The following ROR2 variants were observed in gnomAD, a reference collection of about 807,000 sequenced individuals.
ROR2 encodes ROR family WNT receptor 2.
Under a neutral mutation model 74.9 loss-of-function variants are expected in ROR2, and 33 were observed. The observed-to-expected ratio is 0.44, with a 90% CI of 0.33 to 0.59. The LOEUF is 0.59. Ranked by LOEUF, ROR2 falls within the 20% of genes least tolerant of loss-of-function variation. The probability of loss-of-function intolerance (pLI) is 0.02; values close to 1 mark genes in which losing one functional copy is unlikely to be tolerated. For synonymous variants in ROR2, 586 were observed against 558.7 expected (o/e 1.05, Z -0.69); for missense variants, 1,216 against 1,313.8 (o/e 0.93, Z 1.15).
At chr9:91,913,532 A>G (rs1248904755) in intron 1 of ROR2, among the ~76,000 whole-genome samples, 1 of 152,224 alleles carries the variant, frequency 6.6e-6, no homozygotes, top group Admixed American at 6.5e-5. Context: ...AGAAGACAGA[A>G]TTACCAACAG....
intron 2 of ROR2, 25 bp downstream of exon 2, chr9:91,775,716 A>G: frequency 6.2e-7 from 1 of 1,609,074 alleles, no homozygotes; most frequent in Middle Eastern, 1.7e-4. Context: ...GAGGACATGG[A>G]GAGCACCTGC....
At chr9:91,841,685 A>G (rs1055177725) in intron 1 of ROR2, among the ~76,000 whole-genome samples, 1 of 152,062 alleles carries the variant, frequency 6.6e-6, no homozygotes, top group African/African-American at 2.4e-5. Context: ...TCTGCCCTCC[A>G]CACGTCTGCA....
In ROR2 at chr9:91,905,393, CAG is replaced by C. The variant is rs368562088; in HGVS notation, c.97+44472_97+44473del. On this transcript the variant is annotated intron_variant, in intron 1 of 8. Transcript: ENST00000375708. The surrounding 1 kb of genome is among the most constrained non-coding windows in gnomAD (Gnocchi z 5.3). The stretch of plus-strand genomic sequence containing the variant: ...AGACACACAACACATACCACACACA[CAG>C]AGAGACAAAAACTATACAAATGTCA... Among the ~76,000 whole-genome samples, 413 of 150,986 alleles carry C rather than the reference CAG, an allele frequency of 2.7e-3. 2 individuals carry two copies. The highest frequency in any genetic ancestry group is 8.8e-3 in the African/African-American group (362 of 41,354).
chr9:91,781,241 G>C (rs1771031968), intron 1 of ROR2, among the ~76,000 whole-genome samples: 1 of 152,214 alleles, frequency 6.6e-6, no homozygotes, highest in Non-Finnish European at 1.5e-5. Flanking sequence ...CACAGCCTGA[G>C]AAAGTGACGG....
At chr9:91,763,570 C>G (rs1825978139) in intron 2 of ROR2, among the ~76,000 whole-genome samples, 1 of 152,242 alleles carries the variant, frequency 6.6e-6, no homozygotes, top group Admixed American at 6.5e-5. Context: ...TGAGCTTCCA[C>G]ATCCTTTGGA....
At chr9:91,922,450 A>T (rs1348282532) in intron 1 of ROR2, among the ~76,000 whole-genome samples, 1 of 148,532 alleles carries the variant, frequency 6.7e-6, no homozygotes, top group Non-Finnish European at 1.5e-5. Context: ...TACTTAAATA[A>T]TTTTTTTATT....
chr9:91,900,248 C>G (rs1673304671), intron 1 of ROR2, among the ~76,000 whole-genome samples: 1 of 152,214 alleles, frequency 6.6e-6, no homozygotes, highest in Non-Finnish European at 1.5e-5. Context: ...AGCCTCGCAT[C>G]CAGAGGCCCA....
intron 1 of ROR2, among the ~76,000 whole-genome samples, chr9:91,800,354 A>AAAGAGAGAG (rs61357928): frequency 5.4e-5 from 8 of 149,390 alleles, no homozygotes; most frequent in East Asian, 4.0e-4. Context: ...AAAAAAAAAA[A>AAAGAGAGAG]AGAGAGAGAG....
chr9:91,856,767 G>A (rs1273103268), intron 1 of ROR2, among the ~76,000 whole-genome samples: 1 of 152,198 alleles, frequency 6.6e-6, no homozygotes, highest in Non-Finnish European at 1.5e-5. Context: ...CTTGTCTGAG[G>A]CTCTACCTCC....
At chr9:91,839,249 GGGGTGTGTGTGTGTGTGTGTGTGTGT>G (rs1199737232) in intron 1 of ROR2, among the ~76,000 whole-genome samples, 2 of 132,604 alleles carry the variant, frequency 1.5e-5, no homozygotes, top group African/African-American at 3.4e-5. Flanking sequence ...TGTCAGATCG[GGGGTGTGTGTGTGTGTGTGTGTGTGT>G]GTGTGTGTGT....
At chr9:91,836,411 G>A (rs1285388547) in intron 1 of ROR2, among the ~76,000 whole-genome samples, 2 of 151,874 alleles carry the variant, frequency 1.3e-5, no homozygotes, top group Admixed American at 6.6e-5. Flanking sequence ...GTAGTGGTGC[G>A]TGCCTGTAGT....
intron 1 of ROR2, among the ~76,000 whole-genome samples, chr9:91,880,883 G>A (rs562933537): frequency 3.3e-5 from 5 of 152,276 alleles, no homozygotes; most frequent in African/African-American, 1.2e-4. Context: ...CTGCTCAAAG[G>A]GACATTACTG....
intron 2 of ROR2, among the ~76,000 whole-genome samples, chr9:91,769,413 C>T (rs919826071): frequency 6.6e-6 from 1 of 152,186 alleles, no homozygotes; most frequent in Non-Finnish European, 1.5e-5. Flanking sequence ...TACCTGTGCC[C>T]CTTAAGCATA....
chr9:91,843,621 T>C (rs962859819), intron 1 of ROR2, among the ~76,000 whole-genome samples: 1 of 152,124 alleles, frequency 6.6e-6, no homozygotes, highest in African/African-American at 2.4e-5. Context: ...CACTTAGAAA[T>C]TACTATATGT....
intron 1 of ROR2, among the ~76,000 whole-genome samples, chr9:91,874,846 A>G (rs767175282): frequency 1.3e-5 from 2 of 152,046 alleles, no homozygotes; most frequent in Non-Finnish European, 2.9e-5. Flanking sequence ...GAGGCAGGAG[A>G]ATCACTTGAA....
intron 1 of ROR2, among the ~76,000 whole-genome samples, chr9:91,849,489 C>T (rs1256865721): frequency 6.6e-6 from 1 of 152,236 alleles, no homozygotes; most frequent in Non-Finnish European, 1.5e-5. Context: ...GGGCTCTGAC[C>T]CTGATTCCCA....
At chr9:91,861,527 T>C (rs564306299) in intron 1 of ROR2, among the ~76,000 whole-genome samples, 144 of 152,278 alleles carry the variant, frequency 9.5e-4, no homozygotes, top group African/African-American at 3.2e-3. Flanking sequence ...TCTTCAACAA[T>C]TGGTATTGGA....
At chr9:91,750,740 G>A (rs535223855) in intron 4 of ROR2, among the ~76,000 whole-genome samples, 5 of 152,270 alleles carry the variant, frequency 3.3e-5, no homozygotes, top group African/African-American at 1.2e-4. Flanking sequence ...GTCCAAGAAT[G>A]ACCATGAAAA....
At chr9:91,916,694 A>G (rs1204483338) in intron 1 of ROR2, among the ~76,000 whole-genome samples, 1 of 152,212 alleles carries the variant, frequency 6.6e-6, no homozygotes, top group African/African-American at 2.4e-5. Flanking sequence ...ACCCTTTTCC[A>G]GGTCCTGACA....
Sources: allele counts gnomAD v4.1 joint callset (sites outside exome capture counted in the v4.1 genomes callset), GRCh38; gene constraint gnomAD v4.1.1; non-coding constraint Gnocchi (gnomAD v3.1); transcripts MANE v1.5; gene names NCBI Gene and HGNC (gene_info 2026-07-23, HGNC 2026-07-21).